NRXN1: variants seen among roughly 807,000 people sequenced by gnomAD.
NRXN1 encodes neurexin-1.
A neutral mutation model predicts 150.9 loss-of-function variants in NRXN1; 39 were observed. The ratio of observed to expected loss-of-function variants is 0.26; its 90% CI spans 0.20 to 0.34. The LOEUF (loss-of-function observed/expected upper bound fraction) is 0.34. Ranked by LOEUF, NRXN1 falls within the 10% of genes least tolerant of loss-of-function variation. The pLI, the probability that NRXN1 is intolerant of heterozygous loss-of-function variation, is 1.00. For missense variants in NRXN1, 1,815 were observed against 1,949.9 expected, an observed-to-expected ratio of 0.93 and a Z score of 1.30; for synonymous variants, 924 against 757.0, an observed-to-expected ratio of 1.22 and a Z score of -3.62.
chr2:50,365,289 T>G (rs557972546), intron 17 of NRXN1, among the ~76,000 whole-genome samples: 13 of 152,146 alleles, frequency 8.5e-5, no homozygotes, highest in African/African-American at 2.9e-4. Context: ...TTGAGAAAAT[T>G]TGTAGCAGAA....
intron 5 of NRXN1, among the ~76,000 whole-genome samples, chr2:50,871,229 G>A (rs764019825): frequency 9.2e-5 from 14 of 151,718 alleles, no homozygotes; most frequent in Non-Finnish European, 1.3e-4. Context: ...AAGCAAGAAT[G>A]CTCTCCTATT....
chr2:50,015,213 A>AAT (rs901922268), intron 21 of NRXN1, among the ~76,000 whole-genome samples: 27 of 152,206 alleles, frequency 1.8e-4, no homozygotes, highest in African/African-American at 6.3e-4. Flanking sequence ...TAGATTGTAC[A>AAT]ATATGCCTAA....
chr2:50,935,347 T>C (rs942782463), intron 2 of NRXN1, among the ~76,000 whole-genome samples: 4 of 152,172 alleles, frequency 2.6e-5, no homozygotes, highest in African/African-American at 7.2e-5. Context: ...TAGTTAATTC[T>C]AGAAAAGTCC....
intron 18 of NRXN1, among the ~76,000 whole-genome samples, chr2:50,137,158 T>C (rs1302155549): frequency 6.6e-6 from 1 of 152,150 alleles, no homozygotes; most frequent in Non-Finnish European, 1.5e-5. Context: ...TTCCATAATG[T>C]GAACAGATAC....
At chr2:50,392,057 T>A (rs2081748420) in intron 17 of NRXN1, among the ~76,000 whole-genome samples, 1 of 152,146 alleles carries the variant, frequency 6.6e-6, no homozygotes, top group African/African-American at 2.4e-5. Context: ...TCTATGATAA[T>A]CATTGAGGTG....
intron 5 of NRXN1, among the ~76,000 whole-genome samples, chr2:50,799,748 G>A (rs1397288078): frequency 6.6e-6 from 1 of 152,102 alleles, no homozygotes; most frequent in Non-Finnish European, 1.5e-5. Context: ...AAGCTATGAT[G>A]TTCAGTAAGT....
chr2:50,124,318 G>C (rs1206023255), intron 18 of NRXN1, among the ~76,000 whole-genome samples: 1 of 152,066 alleles, frequency 6.6e-6, no homozygotes, highest in Non-Finnish European at 1.5e-5. Flanking sequence ...TGGTAGTCAG[G>C]ACTTGTCTTA....
chr2:50,467,858 A>C (rs947416189), intron 16 of NRXN1, among the ~76,000 whole-genome samples: 11 of 151,700 alleles, frequency 7.3e-5, no homozygotes, highest in African/African-American at 2.7e-4. Flanking sequence ...AAGAACCACT[A>C]AACTCAACTT....
intron 20 of NRXN1, 104 bp from the exon 21 acceptor site, chr2:50,053,694 A>G: frequency 8.6e-7 from 1 of 1,165,824 alleles, no homozygotes; most frequent in Non-Finnish European, 1.3e-6. Context: ...TGAGAGCAAT[A>G]AACTATAAGA....
Position 50,683,646 on chromosome 2 carries a change from A to AAAT in NRXN1, c.833-60032_833-60031insATT. 5.0e-3 allele frequency among the ~76,000 whole-genome samples: 74 copies of AAAT among 14,916 alleles called. 10 individuals are homozygous for AAAT. Among genetic ancestry groups the AAAT allele is most frequent in the African/African-American group, 0.025 (71 of 2,790 alleles). The allele number at this position is 14,916 out of a possible 152,430, so 9.8% of individuals were successfully genotyped here. On this transcript the variant is annotated intron_variant, in intron 5 of 22. Transcript: ENST00000401669. ...GACTCCGTCTCAAAAAAAAAAAAAA[A>AAAT]ATATATATATATATATATATGTTAT...
intron 2 of NRXN1, among the ~76,000 whole-genome samples, chr2:51,003,723 C>T (rs1700350377): frequency 6.6e-6 from 1 of 151,800 alleles, no homozygotes; most frequent in Non-Finnish European, 1.5e-5. Context: ...ATATTTCTGC[C>T]ACAAGGAAGG....
At chr2:50,058,673 C>G (rs947240190) in intron 19 of NRXN1, among the ~76,000 whole-genome samples, 1 of 152,176 alleles carries the variant, frequency 6.6e-6, no homozygotes, top group African/African-American at 2.4e-5. Flanking sequence ...TTGTCGCTCC[C>G]ATAATCCCTA....
chr2:50,058,982 T>C (rs1470544150), intron 19 of NRXN1, among the ~76,000 whole-genome samples: 1 of 152,130 alleles, frequency 6.6e-6, no homozygotes, highest in African/African-American at 2.4e-5. Context: ...TAGACTAATA[T>C]AGTAAATTAG....
intron 17 of NRXN1, among the ~76,000 whole-genome samples, chr2:50,239,121 C>T (rs1180184720): frequency 1.3e-5 from 2 of 151,748 alleles, no homozygotes; most frequent in Non-Finnish European, 2.9e-5. Flanking sequence ...TATAGGCAAA[C>T]ACTATTTGAG....
At chr2:50,460,564 C>T (rs1002033755) in intron 17 of NRXN1, among the ~76,000 whole-genome samples, 5 of 152,058 alleles carry the variant, frequency 3.3e-5, no homozygotes, top group Non-Finnish European at 7.4e-5. Flanking sequence ...TCCATTTATG[C>T]ATCTACTTTT....
intron 5 of NRXN1, among the ~76,000 whole-genome samples, chr2:50,783,589 T>C (rs1056753936): frequency 9.2e-5 from 14 of 152,138 alleles, no homozygotes; most frequent in African/African-American, 3.1e-4. Context: ...AACAGTACAA[T>C]TTCCACTGGA....
intron 22 of NRXN1, among the ~76,000 whole-genome samples, chr2:49,923,931 T>C (rs952753434): frequency 2.0e-5 from 3 of 152,226 alleles, no homozygotes; most frequent in African/African-American, 7.2e-5. Flanking sequence ...ATAAAAAGCT[T>C]TGGTGTTGCT....
At chr2:50,239,879 T>A (rs1319875511) in intron 17 of NRXN1, among the ~76,000 whole-genome samples, 1 of 150,306 alleles carries the variant, frequency 6.7e-6, no homozygotes, top group Non-Finnish European at 1.5e-5. Flanking sequence ...CACCTCACAA[T>A]ACTTTTAAAA....
At chr2:50,740,472 G>C (rs888755088) in intron 5 of NRXN1, among the ~76,000 whole-genome samples, 3 of 152,186 alleles carry the variant, frequency 2.0e-5, no homozygotes, top group African/African-American at 7.2e-5. Flanking sequence ...GAGTGAAGAT[G>C]TCCAGGTTCT....
Sources: allele counts gnomAD v4.1 joint callset (sites outside exome capture counted in the v4.1 genomes callset), GRCh38; gene constraint gnomAD v4.1.1; transcripts MANE v1.5; gene names NCBI Gene and HGNC (gene_info 2026-07-23, HGNC 2026-07-21).